The following NPC1L1 variants were observed in gnomAD, a reference collection of about 807,000 sequenced individuals.
NPC1L1 encodes the protein NPC1-like intracellular cholesterol transporter 1.
NPC1L1 carries 98 observed loss-of-function variants against 117.0 expected under a neutral mutation model. That is an observed-to-expected ratio of 0.84 (90% confidence interval 0.71 to 0.99). NPC1L1 has a LOEUF of 0.99. Ranked by LOEUF, NPC1L1 falls within the 50% of genes least tolerant of loss-of-function variation. NPC1L1 has a pLI of 0.00. For synonymous variants in NPC1L1, 729 were observed against 727.6 expected (o/e 1.00, Z -0.03); for missense variants, 1,540 against 1,710.0 (o/e 0.90, Z 1.75).
Position 44,538,702 on chromosome 7 carries a change from T to G in NPC1L1, c.1580+115A>C, listed in dbSNP as rs1801974195. 1 of 1,055,082 alleles carries G rather than the reference T, an allele frequency of 9.5e-7. No homozygotes were observed. The highest frequency in any genetic ancestry group is 1.5e-6 in the Non-Finnish European group (1 of 683,200). 65.4% of individuals were successfully genotyped at this position (1,055,082 alleles called of 1,614,324 possible). A position where few individuals can be genotyped will look rare whatever the true frequency, so the allele number is the denominator to read the frequency against. ...CGGCCCCAGGCCAGAGCCGTAGGAA[T>G]AGCTACCTCTGGTCCTTCAGGACCA... On this transcript the variant is annotated intron_variant, in intron 2 of 18. Transcript: ENST00000381160. This position sits in a 1 kb window ranked among gnomAD's most constrained non-coding sequence, Gnocchi z 5.9.
chr7:44,533,859 T>G lies in NPC1L1; in HGVS notation c.2167-6A>C, dbSNP rs1164557892. On this transcript the variant is annotated splice_region_variant and splice_polypyrimidine_tract_variant and intron_variant, in intron 6 of 18. Coordinates refer to ENST00000381160, the MANE Select transcript of NPC1L1 (RefSeq NM_001101648.2). ...CCAGGCCTCCGGGGCAGCCTCTGTG[T>G]GGGAACAGCAGGGATAAGAGCCAGG... is the stretch of plus-strand genomic sequence containing the variant. 1 of 1,607,426 alleles carries G rather than the reference T, an allele frequency of 6.2e-7. No individual in the cohort carries two copies. Among genetic ancestry groups the G allele is most frequent in the Non-Finnish European group, 8.5e-7 (1 of 1,177,130 alleles).
rs145894350 is a variant in NPC1L1 at position 44,523,488 on chromosome 7, C to T, written c.2638-1246G>A. 2.4e-4 allele frequency among the ~76,000 whole-genome samples: 37 copies of T among 152,314 alleles called. No individual in the cohort carries two copies. In the East Asian group the frequency reaches 6.6e-3, roughly 27 times the overall value. Reference sequence around the variant, plus strand: ...AGTAGCAGCTACCCATTTGCCACTCCCAGCCTCAAGGCATGCAGCTGTGTA... The same window carrying T: ...AGTAGCAGCTACCCATTTGCCACTCTCAGCCTCAAGGCATGCAGCTGTGTA... On this transcript the variant is annotated intron_variant, in intron 10 of 18. Transcript: ENST00000381160.
chr7:44,533,936 C>A, intron 6 of NPC1L1, 83 bp from the exon 7 acceptor site: 4 of 1,144,848 alleles, frequency 3.5e-6, no homozygotes, highest in Non-Finnish European at 5.1e-6. Flanking sequence ...GGCAAGTGCC[C>A]AGAGCTGCAG....
In NPC1L1 at chr7:44,530,569, G is replaced by A. The variant is rs910134595; in HGVS notation, c.2637+1186C>T. ...TGTGTATTTTACCACAATAAAAAAC[G>A]GAAAAAAAATGATAAAATTTTTAAA... is the stretch of plus-strand genomic sequence containing the variant. On this transcript the variant is annotated intron_variant, in intron 10 of 18. Transcript: ENST00000381160. 5.3e-5 allele frequency among the ~76,000 whole-genome samples: 8 copies of A among 151,946 alleles called. No individual in the cohort carries two copies. In the South Asian group the frequency reaches 6.2e-4, roughly 12 times the overall value.
At chr7:44,530,619 A>G (rs1801668014) in intron 10 of NPC1L1, among the ~76,000 whole-genome samples, 1 of 152,230 alleles carries the variant, frequency 6.6e-6, no homozygotes, top group Non-Finnish European at 1.5e-5. Context: ...AATGTCCCCA[A>G]CAGAAAAATA....
chr7:44,540,131 G>C lies in NPC1L1; in HGVS notation c.266C>G (p.Ala89Gly). ...TACCAGCTGCTTGGCGGAGCAGCAG[G>C]CTTGGGTGTTGGGGCCGGTGTAGAG... The part of the protein sequence containing the change: ...PRLYTGPNTQ[A>G]CCSAKQLVSL... The change falls in exon 2 of 19, where the codon GCC becomes GGC. Residue 89 changes from alanine to glycine, a missense_variant. Transcript: ENST00000381160. 1 of 1,614,158 alleles carries C rather than the reference G, an allele frequency of 6.2e-7. No individual in the cohort carries two copies. The highest frequency in any genetic ancestry group is 1.1e-5 in the South Asian group (1 of 91,084).
At chr7:44,535,773 G>A (rs1451953829) in intron 5 of NPC1L1, 67 bp downstream of exon 5, 12 of 1,607,852 alleles carry the variant, frequency 7.5e-6, no homozygotes, top group East Asian at 6.7e-5. Flanking sequence ...GAAAGTTGTA[G>A]AAGGCCTACT....
chr7:44,531,921 G>T, intron 9 of NPC1L1, 77 bp from the exon 10 acceptor site: 7 of 1,518,834 alleles, frequency 4.6e-6, no homozygotes, highest in Non-Finnish European at 6.3e-6. Context: ...AAGTCAGTCA[G>T]GGTGTCATGG....
In NPC1L1 at chr7:44,526,843, G is replaced by A. The variant is rs1563205307; in HGVS notation, c.2638-4601C>T. Among the ~76,000 whole-genome samples the A allele has an allele frequency of 3.9e-5, 6 of 151,940 alleles. No homozygotes were observed. The South Asian group carries it at 1.2e-3, about 32-fold the overall frequency. On this transcript the variant is annotated intron_variant, in intron 10 of 18. Coordinates refer to ENST00000381160, the MANE Select transcript of NPC1L1 (RefSeq NM_001101648.2). ...GTTCATGACCAGCCTGGCCAACATG[G>A]TAAAACCCCGTCTCTATTAAAAATA... is the stretch of plus-strand genomic sequence containing the variant.
intron 10 of NPC1L1, among the ~76,000 whole-genome samples, chr7:44,530,674 A>T (rs1343117763): frequency 1.3e-5 from 2 of 152,214 alleles, no homozygotes; most frequent in Non-Finnish European, 2.9e-5. Context: ...CTGGCAGCCC[A>T]TCACATCCTT....
rs77378898 is a variant in NPC1L1, at chr7:44,531,789, C to A, written c.2603G>T (p.Ser868Ile). ...GGCCAGCTCCTGGTCCAGTCCCACG[C>A]TGATGTGGCACATGGAGTAGAGGCT... is the stretch of plus-strand genomic sequence containing the variant. ...GVSLYSMCHI[S>I]VGLDQELALP... is the part of the protein sequence containing the mutation. Residue 868 changes from serine (S) to isoleucine (I), a missense_variant, in exon 10 of 19, where the codon AGC becomes ATC. Ser to Ile is a moderately radical substitution (Grantham distance 142). Coordinates refer to ENST00000381160, the MANE Select transcript of NPC1L1 (RefSeq NM_001101648.2). The A allele has an allele frequency of 6.3e-7, 1 of 1,588,754 alleles. No individual in the cohort carries two copies. Among genetic ancestry groups the A allele is most frequent in the Non-Finnish European group, 8.6e-7 (1 of 1,167,904 alleles).
rs772074467 is a variant in NPC1L1, at chr7:44,540,143, G to C, written c.254C>G (p.Pro85Arg). 4.7e-5 allele frequency: 76 copies of C among 1,614,044 alleles called. No individual in the cohort carries two copies. The East Asian group carries it at 1.7e-3, about 36-fold the overall frequency. The change falls in exon 2 of 19, where the codon CCC becomes CGC. Residue 85 changes from proline to arginine, a missense_variant. By Grantham distance (103) the Pro-to-Arg change is moderately radical. Transcript: ENST00000381160. ...QKICPRLYTGPNTQACCSAKQ... is the reference protein window; with the variant it reads ...QKICPRLYTGRNTQACCSAKQ... Reference sequence around the variant, plus strand: ...GGCGGAGCAGCAGGCTTGGGTGTTGGGGCCGGTGTAGAGGCGGGGGCAGAT... The same window carrying C: ...GGCGGAGCAGCAGGCTTGGGTGTTGCGGCCGGTGTAGAGGCGGGGGCAGAT...
chr7:44,532,870 A>C (rs1257562491), intron 8 of NPC1L1, among the ~76,000 whole-genome samples: 1 of 152,234 alleles, frequency 6.6e-6, no homozygotes, highest in South Asian at 2.1e-4. Context: ...TTGGGAGGCC[A>C]AGGTGGGCAG....
rs1801919587 is a variant in NPC1L1 at position 44,536,984 on chromosome 7, C to G, written c.1581-42G>C. ...GCAAAGGGAAAGGGCCTTTCCTGGC[C>G]CTGCCCAGTCCCTATGGCCCCTCCC... On this transcript the variant is annotated intron_variant, in intron 2 of 18. Transcript: ENST00000381160. The surrounding 1 kb of genome is among the most constrained non-coding windows in gnomAD (Gnocchi z 4.7). The G allele has an allele frequency of 3.9e-6, 6 of 1,546,778 alleles. No homozygotes were observed. Among genetic ancestry groups the G allele is most frequent in the Non-Finnish European group, 5.3e-6 (6 of 1,125,946 alleles).
At position 44,539,512 on chromosome 7, in the gene NPC1L1, G is replaced by A. The variant is rs200674464; in HGVS notation, c.885C>T (p.Phe295=). 311 of 1,613,576 alleles carry A rather than the reference G, an allele frequency of 1.9e-4. No homozygotes were observed. Among genetic ancestry groups the A allele is most frequent in the African/African-American group, 3.3e-4 (25 of 75,036 alleles). ...CCACAAGCAGGATGGTGACCACAGC[G>A]AAGACAGAGCAGAGGATGATGATGA... ...LVLIIILCSV[F]AVVTILLVGF... The change falls in exon 2 of 19, where the codon TTC becomes TTT. Residue 295 remains phenylalanine, a synonymous_variant. Coordinates refer to ENST00000381160, the MANE Select transcript of NPC1L1 (RefSeq NM_001101648.2). The surrounding 1 kb of genome is among the most constrained non-coding windows in gnomAD (Gnocchi z 4.4).
Position 44,531,904 on chromosome 7 carries a change from C to T in NPC1L1, c.2548-60G>A, listed in dbSNP as rs1049440495. ...CCAACAGCCGTCCCCCATCTCCCCA[C>T]AAATTTAAGTCAGTCAGGGTGTCAT... On this transcript the variant is annotated intron_variant, in intron 9 of 18. Coordinates refer to ENST00000381160, the MANE Select transcript of NPC1L1 (RefSeq NM_001101648.2). 2.6e-6 allele frequency: 4 copies of T among 1,534,200 alleles called. No individual in the cohort carries two copies. In the African/African-American group the frequency reaches 4.1e-5, roughly 16 times the overall value.
intron 14 of NPC1L1, among the ~76,000 whole-genome samples, chr7:44,519,477 G>T (rs1420400427): frequency 6.6e-6 from 1 of 152,206 alleles, no homozygotes. Flanking sequence ...GCTGGGCAGG[G>T]TGCATTGCCC....
Position 44,518,490 on chromosome 7 carries a change from G to A in NPC1L1, c.3137-1133C>T, listed in dbSNP as rs1185644143. ...TGGCCCAAAAAGGTTGTTTCTTGGC[G>A]ACACTCTGCCTCTATTAATAATACA... On this transcript the variant is annotated intron_variant, in intron 14 of 18. Coordinates refer to ENST00000381160, the MANE Select transcript of NPC1L1 (RefSeq NM_001101648.2). 3.0e-5 allele frequency: 7 copies of A among 231,686 alleles called. 1 individual carries two copies. Among genetic ancestry groups the A allele is most frequent in the South Asian group, 1.9e-4 (4 of 20,522 alleles). 14.4% of individuals were successfully genotyped at this position (231,686 alleles called of 1,614,324 possible).
intron 11 of NPC1L1, 33 bp from the exon 12 acceptor site, chr7:44,521,869 C>T (rs747295903): frequency 6.2e-7 from 1 of 1,613,322 alleles, no homozygotes; most frequent in Admixed American, 1.7e-5. Context: ...GGTGAAAAGG[C>T]CAGCTGGGCA....
Sources: allele counts gnomAD v4.1 joint callset (sites outside exome capture counted in the v4.1 genomes callset), GRCh38; gene constraint gnomAD v4.1.1; non-coding constraint Gnocchi (gnomAD v3.1); transcripts MANE v1.5; gene names NCBI Gene and HGNC (gene_info 2026-07-23, HGNC 2026-07-21).